Variants in TIAM2 observed in about 807,000 individuals in gnomAD.
The protein encoded by TIAM2 is rho guanine nucleotide exchange factor TIAM2.
In TIAM2, 80 loss-of-function variants were observed where a neutral mutation model predicts 152.9. The observed-to-expected ratio is 0.52, with a 90% CI of 0.44 to 0.63. The LOEUF (loss-of-function observed/expected upper bound fraction) is 0.63. Among genes scored for constraint, TIAM2 ranks in the 30% least tolerant of loss-of-function variants. TIAM2 has a pLI of 0.00. For missense variants in TIAM2, 1,965 were observed against 2,120.1 expected (o/e 0.93, Z 1.44); for synonymous variants, 804 against 838.0 (o/e 0.96, Z 0.70).
chr6:155,251,408 T>C (rs1783646719), intron 22 of TIAM2, among the ~76,000 whole-genome samples: 1 of 152,190 alleles, frequency 6.6e-6, no homozygotes, highest in Admixed American at 6.5e-5. Context: ...TGCCTAAGCC[T>C]CCTGAGTAGC....
intron 1 of TIAM2, among the ~76,000 whole-genome samples, chr6:155,046,934 C>T (rs932640625): frequency 1.3e-5 from 2 of 152,140 alleles, no homozygotes; most frequent in South Asian, 2.1e-4. Context: ...GAGAAGTTTG[C>T]AGATACATCT....
At chr6:155,083,064 G>A (rs1778101850) in intron 1 of TIAM2, among the ~76,000 whole-genome samples, 1 of 152,048 alleles carries the variant, frequency 6.6e-6, no homozygotes, top group African/African-American at 2.4e-5. Flanking sequence ...AAGTAGAGGT[G>A]GGGCCGGGCA....
At chr6:155,159,052 A>G (rs373462429) in intron 7 of TIAM2, among the ~76,000 whole-genome samples, 2 of 152,150 alleles carry the variant, frequency 1.3e-5, no homozygotes, top group African/African-American at 4.8e-5. Flanking sequence ...TAGCTAAAAG[A>G]TTGTCTTTTT....
chr6:155,051,754 C>G (rs1274361491), intron 1 of TIAM2, among the ~76,000 whole-genome samples: 1 of 152,052 alleles, frequency 6.6e-6, no homozygotes, highest in Non-Finnish European at 1.5e-5. Context: ...AAGCAATTCT[C>G]CTGCCTCACC....
rs978967723 is a variant in TIAM2 at position 155,174,126 on chromosome 6, C to T, written c.2362-2690C>T. ...TATATAAAGGGAGTTAACTGCCAGG[C>T]GGGCATTCTGTGTAGTATAGTGGTG... is the stretch of plus-strand genomic sequence containing the variant. On this transcript the variant is annotated intron_variant, in intron 9 of 26. Transcript: ENST00000682666. The surrounding 1 kb of genome is among the most constrained non-coding windows in gnomAD (Gnocchi z 4.2). 3.3e-5 allele frequency among the ~76,000 whole-genome samples: 5 copies of T among 152,184 alleles called. No homozygotes were observed. In the East Asian group the frequency reaches 7.7e-4, roughly 23 times the overall value.
At position 155,256,752 on chromosome 6, in the gene TIAM2, G is replaced by T. The variant is rs1275280930; in HGVS notation, c.4737G>T (p.Val1579=). ...AAGATGATGACCACCGTCAGACTGT[G>T]AAGCAGGGCAGCCCTACTAAAGACA... ...SDEDDDHRQT[V]KQGSPTKDIE... The change falls in exon 27 of 27, where the codon GTG becomes GTT. Residue 1579 remains valine, a synonymous_variant. Transcript: ENST00000682666. 2 of 1,614,112 alleles carry T rather than the reference G, an allele frequency of 1.2e-6. No homozygotes were observed. Among genetic ancestry groups the T allele is most frequent in the Non-Finnish European group, 1.7e-6 (2 of 1,180,054 alleles).
At chr6:155,149,994 A>C (rs1057136169) in intron 7 of TIAM2, among the ~76,000 whole-genome samples, 4 of 152,064 alleles carry the variant, frequency 2.6e-5, no homozygotes, top group African/African-American at 9.7e-5. Context: ...AAAGGCATGC[A>C]TTCAATGATA....
At chr6:155,025,787 A>G (rs999613098) in intron 1 of TIAM2, among the ~76,000 whole-genome samples, 3 of 151,170 alleles carry the variant, frequency 2.0e-5, no homozygotes, top group African/African-American at 4.9e-5. Flanking sequence ...TTTCATACCC[A>G]TACATAAAAA....
rs1489122427 is a variant in TIAM2, at chr6:155,248,193, G to A, written c.3832+14G>A. ...ACCACCTGACGGGTGAGGCGGCGGCGGCACCTCCGGGCGAGGGCCTGCACA... is the reference window on the plus strand; with the variant it reads ...ACCACCTGACGGGTGAGGCGGCGGCAGCACCTCCGGGCGAGGGCCTGCACA... On this transcript the variant is annotated intron_variant, in intron 20 of 26. Coordinates refer to ENST00000682666, the MANE Select transcript of TIAM2 (RefSeq NM_012454.4). 9.9e-6 allele frequency: 16 copies of A among 1,609,118 alleles called. No individual in the cohort carries two copies. The highest frequency in any genetic ancestry group is 5.5e-5 in the South Asian group (5 of 90,762).
At chr6:155,085,618 C>T (rs968074558) in intron 1 of TIAM2, among the ~76,000 whole-genome samples, 19 of 151,808 alleles carry the variant, frequency 1.3e-4, no homozygotes, top group Admixed American at 6.6e-5. Context: ...ATTCAGCTTT[C>T]GAGTAGGACA....
At chr6:155,184,056 T>C (rs1780975814) in intron 14 of TIAM2, among the ~76,000 whole-genome samples, 1 of 152,162 alleles carries the variant, frequency 6.6e-6, no homozygotes, top group Admixed American at 6.5e-5. Flanking sequence ...TGGCACAATC[T>C]CAGCTCACTG....
At chr6:155,252,886 C>T (rs1783753828) in intron 23 of TIAM2, 62 bp from the exon 24 acceptor site, 1 of 1,440,584 alleles carries the variant, frequency 6.9e-7, no homozygotes. Flanking sequence ...ATTCACTGTG[C>T]ACACATCCTC....
chr6:155,148,370 C>G (rs756193637), intron 7 of TIAM2, 36 bp downstream of exon 7: 2 of 1,579,712 alleles, frequency 1.3e-6, no homozygotes, highest in African/African-American at 1.3e-5. Context: ...TCTTCCATTG[C>G]TCATGTCACT....
At chr6:155,191,809 C>CAA (rs58358573) in intron 14 of TIAM2, among the ~76,000 whole-genome samples, 4 of 147,970 alleles carry the variant, frequency 2.7e-5, no homozygotes, top group African/African-American at 9.9e-5. Flanking sequence ...AAAACAACAA[C>CAA]AAAAAAAAAA....
In TIAM2 at chr6:155,105,314, C is replaced by CTAATTTTTGTATTTTAG. The variant is rs542466854; in HGVS notation, c.-118+14950_-118+14951insAGTAATTTTTGTATTTT. ...TATAGGTGCATGCCACCACGCCCAG[C>CTAATTTTTGTATTTTAG]TAATTTTTGTATTTTTAGTAGAGAC... is the stretch of plus-strand genomic sequence containing the variant. On this transcript the variant is annotated intron_variant, in intron 2 of 26. Transcript: ENST00000682666. Among the ~76,000 whole-genome samples, 911 of 152,210 alleles carry CTAATTTTTGTATTTTAG rather than the reference C, an allele frequency of 6.0e-3. 12 individuals are homozygous for CTAATTTTTGTATTTTAG. Among genetic ancestry groups the CTAATTTTTGTATTTTAG allele is most frequent in the African/African-American group, 0.02 (820 of 41,510 alleles).
chr6:155,209,097 T>C (rs922288789), intron 14 of TIAM2, among the ~76,000 whole-genome samples: 4 of 152,010 alleles, frequency 2.6e-5, no homozygotes, highest in African/African-American at 9.7e-5. Flanking sequence ...GAGAATTAAC[T>C]TGCTTCCTGA....
chr6:155,038,414 T>C (rs953048523), intron 1 of TIAM2, among the ~76,000 whole-genome samples: 7 of 152,174 alleles, frequency 4.6e-5, no homozygotes, highest in African/African-American at 1.7e-4. Context: ...GGATGCTGTA[T>C]TTCCACTCTC....
In TIAM2 at chr6:155,127,513, C is replaced by G; in HGVS notation, c.-94C>G. On this transcript the variant is annotated 5_prime_UTR_variant, in exon 3 of 27. Transcript: ENST00000682666. ...AGGCTCACTTCATGGACTCACTTTG[C>G]GTGCTTGTTAAATGTGCTGTGTTGC... 1 of 453,566 alleles carries G rather than the reference C, an allele frequency of 2.2e-6. No homozygotes were observed. The highest frequency in any genetic ancestry group is 4.4e-6 in the Non-Finnish European group (1 of 226,188). 28.1% of individuals were successfully genotyped at this position (453,566 alleles called of 1,614,324 possible).
chr6:155,224,915 C>T (rs1370922089), intron 15 of TIAM2, among the ~76,000 whole-genome samples: 1 of 152,320 alleles, frequency 6.6e-6, no homozygotes, highest in South Asian at 2.1e-4. Context: ...ATCTTCCTAC[C>T]TTGCATGCCA....
Sources: gnomAD v4.1 joint callset for allele counts (sites outside exome capture counted in the v4.1 genomes callset) on GRCh38, gnomAD v4.1.1 for gene constraint, Gnocchi (gnomAD v3.1) non-coding constraint, MANE v1.5 for transcripts, NCBI Gene and HGNC (gene_info 2026-07-23, HGNC 2026-07-21) for gene names.